The following LPIN2 variants were observed in gnomAD, a reference collection of about 807,000 sequenced individuals.
LPIN2 encodes the protein phosphatidate phosphatase LPIN2.
Under a neutral mutation model 111.4 loss-of-function variants are expected in LPIN2, and 55 were observed. That is an observed-to-expected ratio of 0.49 (90% CI 0.40 to 0.62). The LOEUF is 0.62. LPIN2 is among the 20% of genes least tolerant of loss of function. The pLI, the probability that LPIN2 is intolerant of heterozygous loss-of-function variation, is 0.00. For missense variants in LPIN2, 992 were observed against 1,112.1 expected (o/e 0.89, Z 1.54); for synonymous variants, 425 against 414.0 (o/e 1.03, Z -0.32).
chr18:2,991,390 C>CCA (rs966408327), intron 1 of LPIN2, among the ~76,000 whole-genome samples: 36 of 152,280 alleles, frequency 2.4e-4, no homozygotes, highest in African/African-American at 8.2e-4. Context: ...AATGGTGTAA[C>CCA]CACTGTAGAA....
intron 1 of LPIN2, among the ~76,000 whole-genome samples, chr18:3,011,145 G>A (rs2078595921): frequency 6.6e-6 from 1 of 152,090 alleles, no homozygotes; most frequent in African/African-American, 2.4e-5. Context: ...AATACAGGGC[G>A]ATGAGAACTT....
Position 2,977,785 on chromosome 18 carries a change from G to T in LPIN2, c.-9-16936C>A, listed in dbSNP as rs62077489. On this transcript the variant is annotated intron_variant, in intron 1 of 19. Transcript: ENST00000677752. ...GTGAGAAATGACAGCTCTTACAGAT[G>T]AATTATAATTAATGAAGAAAAAATG... Among the ~76,000 whole-genome samples, 1,280 of 152,150 alleles carry T rather than the reference G, an allele frequency of 8.4e-3. 4 individuals are homozygous for T. The highest frequency in any genetic ancestry group is 0.012 in the Non-Finnish European group (824 of 68,004).
chr18:2,929,467 G>GAAAGACAGACAGACACACAC, intron 9 of LPIN2, among the ~76,000 whole-genome samples: 1 of 152,110 alleles, frequency 6.6e-6, no homozygotes, highest in East Asian at 1.9e-4. Context: ...GACAGACACA[G>GAAAGACAGACAGACACACAC]AAAGACAGAC....
intron 19 of LPIN2, 98 bp from the exon 20 acceptor site, chr18:2,920,535 G>T: frequency 7.3e-7 from 1 of 1,371,020 alleles, no homozygotes; most frequent in Non-Finnish European, 1.0e-6. Context: ...GATTGCTCAG[G>T]TGGGCAGGTT....
chr18:2,946,800 A>T, intron 4 of LPIN2: 1 of 452,432 alleles, frequency 2.2e-6, no homozygotes, highest in Non-Finnish European at 4.1e-6. Flanking sequence ...TAACTCTGTT[A>T]ACAACGTCTA....
intron 1 of LPIN2, among the ~76,000 whole-genome samples, chr18:3,010,625 T>C (rs1157066510): frequency 6.6e-6 from 1 of 152,144 alleles, no homozygotes; most frequent in Non-Finnish European, 1.5e-5. Context: ...TAAAAAGAAA[T>C]GGATTTAAAT....
At chr18:3,011,514 C>T (rs946151719) in intron 1 of LPIN2, among the ~76,000 whole-genome samples, 1 of 152,032 alleles carries the variant, frequency 6.6e-6, no homozygotes, top group Admixed American at 6.6e-5. Context: ...GTGAAACCCC[C>T]GGTCTCTAAT....
At chr18:2,957,223 G>A (rs1281092488) in intron 2 of LPIN2, among the ~76,000 whole-genome samples, 1 of 152,154 alleles carries the variant, frequency 6.6e-6, no homozygotes, top group Non-Finnish European at 1.5e-5. Flanking sequence ...TATCTCAAAT[G>A]TCTTTTGGGA....
intron 1 of LPIN2, among the ~76,000 whole-genome samples, chr18:3,010,932 C>G (rs979744910): frequency 2.0e-5 from 3 of 152,184 alleles, no homozygotes; most frequent in African/African-American, 7.2e-5. Context: ...CCTCACCATT[C>G]AGGGAAGGTA....
intron 1 of LPIN2, among the ~76,000 whole-genome samples, chr18:2,985,667 C>A (rs118061697): frequency 4.6e-5 from 7 of 152,190 alleles, no homozygotes; most frequent in Non-Finnish European, 8.8e-5. Context: ...ACTAGGTATA[C>A]AGGGCTTTTT....
At chr18:2,933,913 C>A (rs1356549861) in intron 8 of LPIN2, among the ~76,000 whole-genome samples, 1 of 152,174 alleles carries the variant, frequency 6.6e-6, no homozygotes, top group Non-Finnish European at 1.5e-5. Context: ...CCCACCAGAC[C>A]CAGACCCGGT....
At chr18:2,921,468 A>G in intron 18 of LPIN2, 65 bp downstream of exon 18, 3 of 1,195,152 alleles carry the variant, frequency 2.5e-6, no homozygotes, top group Non-Finnish European at 3.8e-6. Flanking sequence ...ACGTGGCTAC[A>G]CCCCACGAAG....
At chr18:2,989,364 A>T (rs2078230807) in intron 1 of LPIN2, among the ~76,000 whole-genome samples, 2 of 152,208 alleles carry the variant, frequency 1.3e-5, no homozygotes. Flanking sequence ...GCTTGTACAA[A>T]TAAAATTGCA....
At chr18:2,920,700 GA>G in intron 19 of LPIN2, 77 bp downstream of exon 19, 2 of 1,099,240 alleles carry the variant, frequency 1.8e-6, no homozygotes, top group Non-Finnish European at 2.8e-6. Flanking sequence ...GGATCAGGGG[GA>G]AAAGGACAGG....
In LPIN2 at chr18:2,925,310, T is replaced by C. The variant is rs754828448; in HGVS notation, c.1852A>G (p.Thr618Ala). 1 of 1,614,104 alleles carries C rather than the reference T, an allele frequency of 6.2e-7. No individual in the cohort carries two copies. Among genetic ancestry groups the C allele is most frequent in the Non-Finnish European group, 8.5e-7 (1 of 1,179,980 alleles). ...GGCTCTGTGGGGATGGGGTCCACTG[T>C]GATGGATTCTTCGAGCTCCTGTGAT... Reference protein sequence around the residue: ...EGSQELEESITVDPIPTEPLS... With the variant: ...EGSQELEESIAVDPIPTEPLS... The change falls in exon 14 of 20, where the codon ACA becomes GCA. Residue 618 changes from threonine (T) to alanine (A), a missense_variant. Thr to Ala is a moderately conservative substitution (Grantham distance 58). Coordinates refer to ENST00000677752, the MANE Select transcript of LPIN2 (RefSeq NM_001375808.2). The surrounding 1 kb of genome is among the most constrained non-coding windows in gnomAD (Gnocchi z 4.1).
chr18:2,969,193 C>T (rs1698663271), intron 1 of LPIN2, among the ~76,000 whole-genome samples: 1 of 152,130 alleles, frequency 6.6e-6, no homozygotes, highest in Admixed American at 6.5e-5. Context: ...GAAGATGAGC[C>T]AGGTTAGGGA....
chr18:3,006,566 A>G (rs1010262614), intron 1 of LPIN2, among the ~76,000 whole-genome samples: 3 of 152,036 alleles, frequency 2.0e-5, no homozygotes, highest in Non-Finnish European at 4.4e-5. Context: ...GGCCGGGCGC[A>G]GCGGCTCAAG....
chr18:2,935,944 G>A (rs561757352), intron 7 of LPIN2, among the ~76,000 whole-genome samples: 8 of 152,278 alleles, frequency 5.3e-5, no homozygotes, highest in Non-Finnish European at 1.0e-4. Flanking sequence ...CTAAGAACAG[G>A]AGTCATTAGT....
chr18:2,935,010 A>G (rs945138840), intron 7 of LPIN2, among the ~76,000 whole-genome samples: 1 of 152,222 alleles, frequency 6.6e-6, no homozygotes, highest in Admixed American at 6.5e-5. Context: ...TGAGTACCCA[A>G]TACATGCAAT....
Sources: allele counts gnomAD v4.1 joint callset (sites outside exome capture counted in the v4.1 genomes callset), GRCh38; gene constraint gnomAD v4.1.1; non-coding constraint Gnocchi (gnomAD v3.1); transcripts MANE v1.5; gene names NCBI Gene and HGNC (gene_info 2026-07-23, HGNC 2026-07-21).